The following FOXK2 variants were observed in gnomAD, a reference collection of about 807,000 sequenced individuals.
The protein encoded by FOXK2 is forkhead box K2, also known as forkhead box protein K2.
A neutral mutation model predicts 53.3 loss-of-function variants in FOXK2; 24 were observed. The ratio of observed to expected loss-of-function variants is 0.45; its 90% CI spans 0.33 to 0.63. FOXK2 has a LOEUF of 0.63. Ranked by LOEUF, FOXK2 falls within the 30% of genes least tolerant of loss-of-function variation. The pLI, the probability that FOXK2 is intolerant of heterozygous loss-of-function variation, is 0.03. For synonymous variants in FOXK2, 505 were observed against 407.1 expected, an observed-to-expected ratio of 1.24 and a Z score of -2.89; for missense variants, 952 against 910.5, an observed-to-expected ratio of 1.05 and a Z score of -0.59.
At chr17:82,559,588 C>T in intron 1 of FOXK2, 1 of 426,894 alleles carries the variant, frequency 2.3e-6, no homozygotes. Context: ...GGGTGGCTTT[C>T]AGATCCTGCT....
intron 7 of FOXK2, 90 bp downstream of exon 7, chr17:82,586,290 AGGTC>A: frequency 4.0e-5 from 11 of 274,874 alleles, no homozygotes; most frequent in East Asian, 1.4e-4. Flanking sequence ...GACCACAGGG[AGGTC>A]AAAGGTGGGC....
At chr17:82,570,441 C>T (rs1250032110) in intron 3 of FOXK2, among the ~76,000 whole-genome samples, 1 of 152,124 alleles carries the variant, frequency 6.6e-6, no homozygotes, top group Non-Finnish European at 1.5e-5. Context: ...TTCAGTGAGC[C>T]GTGATCACAC....
chr17:82,553,708 C>A (rs2044697620), intron 1 of FOXK2, among the ~76,000 whole-genome samples: 1 of 152,206 alleles, frequency 6.6e-6, no homozygotes, highest in African/African-American at 2.4e-5. Flanking sequence ...AGACATGAAC[C>A]ACCACTAGAA....
chr17:82,599,530 C>G (rs1300150776), intron 8 of FOXK2: 1 of 152,326 alleles, frequency 6.6e-6, no homozygotes, highest in East Asian at 1.9e-4. Context: ...TTCCAGGGAA[C>G]ACACCTCTGT....
chr17:82,529,060 G>A (rs1474384682), intron 1 of FOXK2, among the ~76,000 whole-genome samples: 6 of 152,140 alleles, frequency 3.9e-5, no homozygotes. Context: ...GGGGAGAGCC[G>A]CCTGTTGCGT....
At chr17:82,522,753 T>C (rs1269436306) in intron 1 of FOXK2, among the ~76,000 whole-genome samples, 1 of 152,118 alleles carries the variant, frequency 6.6e-6, no homozygotes, top group Non-Finnish European at 1.5e-5. Flanking sequence ...CATGCTAACA[T>C]GATAAACATG....
At chr17:82,527,679 T>C (rs1362804917) in intron 1 of FOXK2, among the ~76,000 whole-genome samples, 2 of 152,220 alleles carry the variant, frequency 1.3e-5, no homozygotes, top group Non-Finnish European at 2.9e-5. Flanking sequence ...TATCACTGAT[T>C]TGTAGACACA....
intron 1 of FOXK2, among the ~76,000 whole-genome samples, chr17:82,535,732 T>C (rs1379101164): frequency 6.6e-6 from 1 of 151,226 alleles, no homozygotes; most frequent in African/African-American, 2.4e-5. Context: ...CTTATCTCTT[T>C]TAGTTGTGTG....
At chr17:82,584,214 G>T (rs1213228783) in intron 6 of FOXK2, 26 bp downstream of exon 6, 1 of 1,560,266 alleles carries the variant, frequency 6.4e-7, no homozygotes, top group Non-Finnish European at 8.7e-7. Context: ...AGGAAGCGAG[G>T]GCCCCAACAG....
Position 82,529,363 on chromosome 17 carries a change from C to A in FOXK2, c.419+9056C>A, listed in dbSNP as rs895580058. ...TCAGCCTCCTGAGTAGCTGGAATTA[C>A]AGGCACGTGCCACCACGCCGGCTAA... On this transcript the variant is annotated intron_variant, in intron 1 of 8. Transcript: ENST00000335255. Among the ~76,000 whole-genome samples, 6 of 150,182 alleles carry A rather than the reference C, an allele frequency of 4.0e-5. No individual in the cohort carries two copies. The South Asian group carries it at 1.3e-3, about 32-fold the overall frequency.
intron 3 of FOXK2, among the ~76,000 whole-genome samples, chr17:82,571,429 C>T (rs1254944773): frequency 2.0e-5 from 3 of 151,938 alleles, no homozygotes; most frequent in African/African-American, 4.8e-5. Context: ...GGTGAAACCC[C>T]GTCTCTACTA....
intron 1 of FOXK2, among the ~76,000 whole-genome samples, chr17:82,551,259 G>A (rs1167020213): frequency 3.0e-4 from 46 of 151,928 alleles, no homozygotes; most frequent in Non-Finnish European, 5.9e-5. Context: ...GGAGTTTGCA[G>A]TGAGCTTAGA....
intron 1 of FOXK2, among the ~76,000 whole-genome samples, chr17:82,543,828 G>A (rs1322628036): frequency 6.7e-6 from 1 of 148,700 alleles, no homozygotes; most frequent in Non-Finnish European, 1.5e-5. Flanking sequence ...CCAGGCTGGA[G>A]TGCAGTGGCG....
intron 1 of FOXK2, among the ~76,000 whole-genome samples, chr17:82,534,065 A>ATG (rs2044497797): frequency 6.9e-6 from 1 of 145,950 alleles, no homozygotes; most frequent in African/African-American, 2.6e-5. Context: ...ACTGAGTAAG[A>ATG]CACTGTCTCA....
At chr17:82,578,914 C>T (rs1325633002) in intron 4 of FOXK2, among the ~76,000 whole-genome samples, 1 of 152,216 alleles carries the variant, frequency 6.6e-6, no homozygotes, top group Non-Finnish European at 1.5e-5. Context: ...TCTGCTTCCA[C>T]ATTCCCACTG....
chr17:82,537,954 T>G (rs941959720), intron 1 of FOXK2, among the ~76,000 whole-genome samples: 5 of 148,672 alleles, frequency 3.4e-5, no homozygotes, highest in South Asian at 2.1e-4. Flanking sequence ...CCAGGCACAG[T>G]GGCTCTCACC....
At chr17:82,579,911 G>T (rs1441922105) in intron 4 of FOXK2, among the ~76,000 whole-genome samples, 42 of 119,784 alleles carry the variant, frequency 3.5e-4, no homozygotes, top group Non-Finnish European at 5.8e-4. Flanking sequence ...CATCCACAGG[G>T]CCCAGATCCC....
chr17:82,529,143 A>G (rs982814481), intron 1 of FOXK2, among the ~76,000 whole-genome samples: 1 of 150,542 alleles, frequency 6.6e-6, no homozygotes, highest in South Asian at 2.1e-4. Flanking sequence ...AGTTTTAATA[A>G]TTTTTTTTAC....
At chr17:82,546,181 A>G (rs781731974) in intron 1 of FOXK2, among the ~76,000 whole-genome samples, 12 of 129,292 alleles carry the variant, frequency 9.3e-5, no homozygotes, top group Non-Finnish European at 1.4e-4. Context: ...CAGTGGTGCC[A>G]TCTTGGCTCA....
Sources: gnomAD v4.1 joint callset for allele counts (sites outside exome capture counted in the v4.1 genomes callset) on GRCh38, gnomAD v4.1.1 for gene constraint, MANE v1.5 for transcripts, NCBI Gene and HGNC (gene_info 2026-07-23, HGNC 2026-07-21) for gene names.